The following CDK1 variants were observed in gnomAD, a reference collection of about 807,000 sequenced individuals.
CDK1 encodes the protein cyclin dependent kinase 1.
CDK1 carries 5 observed loss-of-function variants against 34.6 expected under a neutral mutation model. That is an observed-to-expected ratio of 0.14 (90% CI 0.08 to 0.30). The LOEUF (loss-of-function observed/expected upper bound fraction) is 0.30, where lower values mean the gene tolerates loss of function less well. Ranked by LOEUF, CDK1 falls within the 10% of genes least tolerant of loss-of-function variation. CDK1 has a pLI of 1.00. For missense variants in CDK1, 157 were observed against 345.7 expected, an observed-to-expected ratio of 0.45 and a Z score of 4.33; for synonymous variants, 108 against 114.7, an observed-to-expected ratio of 0.94 and a Z score of 0.37.
At chr10:60,781,664 T>G (rs2080274269) in intron 2 of CDK1, among the ~76,000 whole-genome samples, 1 of 152,224 alleles carries the variant, frequency 6.6e-6, no homozygotes, top group African/African-American at 2.4e-5. Flanking sequence ...ATTTCTTTGA[T>G]GTCCTCAAAT....
At chr10:60,779,358 A>G (rs2080252575) in intron 1 of CDK1, among the ~76,000 whole-genome samples, 1 of 152,048 alleles carries the variant, frequency 6.6e-6, no homozygotes, top group Non-Finnish European at 1.5e-5. Context: ...GGCAAACTTC[A>G]GAGGAAGTCT....
intron 1 of CDK1, 170 bp downstream of exon 1, chr10:60,778,740 T>A (rs1411060206): frequency 6.6e-6 from 1 of 151,604 alleles, no homozygotes; most frequent in Non-Finnish European, 1.5e-5. Flanking sequence ...GGTCTGGCCG[T>A]GTGAGCCACA....
rs370754138 is a variant in CDK1 at position 60,788,040 on chromosome 10, C to T, written c.319-20C>T. ...TCATGTACTTCGCTTAAGTTTCTAA[C>T]TTTTACTTGCTTTTTCCAGAGTTAT... On this transcript the variant is annotated intron_variant, in intron 4 of 7. Coordinates refer to ENST00000395284, the MANE Select transcript of CDK1 (RefSeq NM_001786.5). 1.8e-5 allele frequency: 24 copies of T among 1,300,994 alleles called. No individual in the cohort carries two copies. The African/African-American group carries it at 3.2e-4, about 17-fold the overall frequency. The allele number at this position is 1,300,994 out of a possible 1,614,324, so 80.6% of individuals were successfully genotyped here. A position where few individuals can be genotyped will look rare whatever the true frequency, so the allele number is the denominator to read the frequency against.
At chr10:60,785,896 A>G (rs2080311755) in intron 4 of CDK1, 109 bp downstream of exon 4, 1 of 1,341,190 alleles carries the variant, frequency 7.5e-7, no homozygotes, top group Non-Finnish European at 9.6e-7. Context: ...GTGTTAGAAT[A>G]AGAAAAAGTA....
intron 5 of CDK1, among the ~76,000 whole-genome samples, chr10:60,789,311 C>T (rs1167819568): frequency 6.6e-6 from 1 of 152,114 alleles, no homozygotes; most frequent in Non-Finnish European, 1.5e-5. Flanking sequence ...CTGTAGTCAG[C>T]TTACAGTGCT....
chr10:60,791,217 A>G (rs578248930), intron 5 of CDK1, among the ~76,000 whole-genome samples: 1 of 151,982 alleles, frequency 6.6e-6, no homozygotes, highest in Non-Finnish European at 1.5e-5. Flanking sequence ...TATAGTTTTT[A>G]GTGTAGAGAT....
intron 4 of CDK1, chr10:60,786,409 C>A: frequency 1.4e-6 from 1 of 740,694 alleles, no homozygotes; most frequent in Non-Finnish European, 1.6e-6. Flanking sequence ...AAAACATTAT[C>A]AAGACGTAGA....
Position 60,792,299 on chromosome 10 carries a change from G to A in CDK1, c.795+10G>A. 6.3e-7 allele frequency: 1 copy of A among 1,590,802 alleles called. No individual in the cohort carries two copies. Among genetic ancestry groups the A allele is most frequent in the Non-Finnish European group, 8.5e-7 (1 of 1,172,412 alleles). ...CTTGGATTTGCTCTCGGTAAGGAGTGCCCTTGATACTGACTTTCAAATTAT... is the reference window on the plus strand; with the variant it reads ...CTTGGATTTGCTCTCGGTAAGGAGTACCCTTGATACTGACTTTCAAATTAT... On this transcript the variant is annotated intron_variant, in intron 7 of 7. Coordinates refer to ENST00000395284, the MANE Select transcript of CDK1 (RefSeq NM_001786.5).
intron 6 of CDK1, 22 bp downstream of exon 6, chr10:60,792,075 AATAAAGGTAACAT>A: frequency 6.2e-7 from 1 of 1,604,256 alleles, no homozygotes; most frequent in Non-Finnish European, 8.5e-7. Flanking sequence ...AAACTGAGAT[AATAAAGGTAACAT>A]ATATGTAACA....
intron 1 of CDK1, among the ~76,000 whole-genome samples, chr10:60,779,325 G>C (rs1182925807): frequency 6.6e-6 from 1 of 151,988 alleles, no homozygotes; most frequent in Non-Finnish European, 1.5e-5. Context: ...AGGTAATTAT[G>C]CCTGGAGTTC....
At chr10:60,786,069 A>G in intron 4 of CDK1, 2 of 1,046,336 alleles carry the variant, frequency 1.9e-6, no homozygotes, top group Non-Finnish European at 2.3e-6. Flanking sequence ...TGTCAGATAC[A>G]TGTAAAACAA....
At chr10:60,786,846 T>C in intron 4 of CDK1, 4 of 967,240 alleles carry the variant, frequency 4.1e-6, no homozygotes, top group Non-Finnish European at 4.9e-6. Context: ...TTCGTTAGGA[T>C]ACGTTCTTTA....
intron 5 of CDK1, among the ~76,000 whole-genome samples, chr10:60,788,661 T>C (rs1167409441): frequency 1.3e-5 from 2 of 152,088 alleles, no homozygotes. Context: ...CAAAGACAGG[T>C]TTTGTTCCTT....
At chr10:60,781,752 T>C (rs2080275146) in intron 2 of CDK1, among the ~76,000 whole-genome samples, 1 of 152,146 alleles carries the variant, frequency 6.6e-6, no homozygotes, top group Non-Finnish European at 1.5e-5. Flanking sequence ...TGGCTTCATT[T>C]TTTATCTCCT....
At chr10:60,779,752 G>A (rs1048420730) in intron 1 of CDK1, among the ~76,000 whole-genome samples, 1 of 152,116 alleles carries the variant, frequency 6.6e-6, no homozygotes, top group Non-Finnish European at 1.5e-5. Flanking sequence ...ATCATAAAGC[G>A]GTATAAATTT....
chr10:60,793,930 T>A lies in CDK1; in HGVS notation c.849T>A (p.Asn283Lys). ...GAATTTCTGGCAAAATGGCACTGAA[T>A]CATCCATATTTTAATGATTTGGACA... ...AKRISGKMAL[N>K]HPYFNDLDNQ... The change falls in exon 8 of 8, where the codon AAT becomes AAA. Residue 283 changes from asparagine to lysine, a missense_variant. Transcript: ENST00000395284. 6.4e-7 allele frequency: 1 copy of A among 1,555,398 alleles called. No individual in the cohort carries two copies.
chr10:60,793,243 T>C (rs2080373559), intron 7 of CDK1, among the ~76,000 whole-genome samples: 2 of 152,094 alleles, frequency 1.3e-5, no homozygotes. Flanking sequence ...GCTGGTTACA[T>C]GAGAGTTCAG....
chr10:60,794,073 TC>T lies in CDK1; in HGVS notation c.*99del, dbSNP rs1489286453. 4.8e-6 allele frequency: 3 copies of T among 620,970 alleles called. No homozygotes were observed. The African/African-American group carries it at 5.9e-5, about 12-fold the overall frequency. 38.5% of individuals were successfully genotyped at this position (620,970 alleles called of 1,614,324 possible). On this transcript the variant is annotated 3_prime_UTR_variant, in exon 8 of 8. Transcript: ENST00000395284. ...TTGTCTTATATATATTTCTTTGTTA[TC>T]AAACTTCAGCTGTACTTCGTCTTCT...
Position 60,786,636 on chromosome 10 carries a change from C to T in CDK1, c.318+849C>T, listed in dbSNP as rs181575957. On this transcript the variant is annotated intron_variant, in intron 4 of 7. Transcript: ENST00000395284. The stretch of plus-strand genomic sequence containing the variant: ...TTATTTACATTTTGATAGATATTGC[C>T]GGTTGCCCCCTAAAAAACTTGTAGC... 682 of 165,228 alleles carry T rather than the reference C, an allele frequency of 4.1e-3. 3 individuals are homozygous for T. The highest frequency in any genetic ancestry group is 6.2e-3 in the Non-Finnish European group (498 of 80,122). The allele number at this position is 165,228 out of a possible 1,614,324, so 10.2% of individuals were successfully genotyped here.
Sources: gnomAD v4.1 joint callset for allele counts (sites outside exome capture counted in the v4.1 genomes callset) on GRCh38, gnomAD v4.1.1 for gene constraint, MANE v1.5 for transcripts, NCBI Gene and HGNC (gene_info 2026-07-23, HGNC 2026-07-21) for gene names.